The following EPC1 variants were observed in gnomAD, a reference collection of about 807,000 sequenced individuals.
EPC1 encodes the protein enhancer of polycomb 1.
Under a neutral mutation model 98.4 loss-of-function variants are expected in EPC1, and 12 were observed. The ratio of observed to expected loss-of-function variants is 0.12; its 90% CI spans 0.08 to 0.20. The LOEUF (loss-of-function observed/expected upper bound fraction) is 0.20, where lower values mean the gene tolerates loss of function less well. EPC1 is among the 10% of genes least tolerant of loss of function. The pLI, the probability that EPC1 is intolerant of heterozygous loss-of-function variation, is 1.00. For synonymous variants in EPC1, 357 were observed against 363.9 expected (o/e 0.98, Z 0.21); for missense variants, 729 against 990.5 (o/e 0.74, Z 3.54).
chr10:32,319,646 G>A (rs151176262), intron 1 of EPC1, among the ~76,000 whole-genome samples: 6 of 152,168 alleles, frequency 3.9e-5, no homozygotes, highest in East Asian at 1.9e-4. Context: ...AAATGTCTAC[G>A]TCATAAAAGA....
At chr10:32,338,965 A>C (rs1028739663) in intron 1 of EPC1, among the ~76,000 whole-genome samples, 1 of 151,070 alleles carries the variant, frequency 6.6e-6, no homozygotes, top group African/African-American at 2.4e-5. Context: ...AAATAAATAA[A>C]ATAATAAAAA....
At chr10:32,301,569 C>G (rs757037624) in intron 2 of EPC1, among the ~76,000 whole-genome samples, 1 of 152,176 alleles carries the variant, frequency 6.6e-6, no homozygotes, top group Non-Finnish European at 1.5e-5. Context: ...GCGATATTGT[C>G]TTGGGATAAA....
intron 1 of EPC1, among the ~76,000 whole-genome samples, chr10:32,378,279 A>G (rs186693070): frequency 6.6e-6 from 1 of 151,858 alleles, no homozygotes; most frequent in East Asian, 1.9e-4. Flanking sequence ...AGTATAATTT[A>G]TATTATAAAC....
chr10:32,307,319 TGTA>T (rs779969637), intron 1 of EPC1, among the ~76,000 whole-genome samples: 53 of 152,364 alleles, frequency 3.5e-4, no homozygotes, highest in Non-Finnish European at 6.0e-4. Context: ...TGAAGGCATC[TGTA>T]GGACAACTAC....
intron 10 of EPC1, among the ~76,000 whole-genome samples, chr10:32,280,925 A>G (rs1440840677): frequency 6.6e-6 from 1 of 152,236 alleles, no homozygotes; most frequent in East Asian, 1.9e-4. Context: ...TCCAAGAACC[A>G]AAACTTTTTC....
chr10:32,362,386 T>A (rs1839468651), intron 1 of EPC1, among the ~76,000 whole-genome samples: 1 of 152,120 alleles, frequency 6.6e-6, no homozygotes, highest in Non-Finnish European at 1.5e-5. Context: ...CACCATCCTC[T>A]TGGTGTTGTT....
At chr10:32,271,982 T>A in intron 12 of EPC1, 44 bp downstream of exon 12, 7 of 1,597,330 alleles carry the variant, frequency 4.4e-6, no homozygotes, top group Non-Finnish European at 6.0e-6. Flanking sequence ...TATAGATATA[T>A]GTTATAAATA....
rs767705786 is a variant in EPC1 at position 32,271,687 on chromosome 10, T to C, written c.2236A>G (p.Ile746Val). 6.2e-7 allele frequency: 1 copy of C among 1,614,176 alleles called. No homozygotes were observed. Among genetic ancestry groups the C allele is most frequent in the Non-Finnish European group, 8.5e-7 (1 of 1,180,032 alleles). Residue 746 changes from isoleucine (I) to valine (V), a missense_variant, in exon 13 of 14, where the codon ATT becomes GTT. Transcript: ENST00000319778. ...VPSSVATVNS[I>V]APINARHIPR... ...ATATGTCGTGCATTTATTGGGGCAATAGAGTTTACAGTGGCAACTGATGAA... is the reference window on the plus strand; with the variant it reads ...ATATGTCGTGCATTTATTGGGGCAACAGAGTTTACAGTGGCAACTGATGAA...
intron 1 of EPC1, among the ~76,000 whole-genome samples, chr10:32,334,855 A>G (rs1246370329): frequency 6.6e-6 from 1 of 152,150 alleles, no homozygotes; most frequent in African/African-American, 2.4e-5. Flanking sequence ...CACCCCCACA[A>G]ATTTCCAGAA....
At chr10:32,370,410 T>C (rs995997503) in intron 1 of EPC1, among the ~76,000 whole-genome samples, 1 of 149,430 alleles carries the variant, frequency 6.7e-6, no homozygotes, top group Admixed American at 6.6e-5. Flanking sequence ...CCTGTCTCTA[T>C]AACTTAGCAA....
intron 1 of EPC1, among the ~76,000 whole-genome samples, chr10:32,330,435 T>C (rs1008112197): frequency 1.3e-5 from 2 of 152,206 alleles, no homozygotes; most frequent in Non-Finnish European, 2.9e-5. Context: ...TTGTTACAGC[T>C]AGCTTACAGA....
chr10:32,311,186 G>A (rs1336136018), intron 1 of EPC1, among the ~76,000 whole-genome samples: 5 of 152,072 alleles, frequency 3.3e-5, no homozygotes, highest in East Asian at 1.9e-4. Context: ...GGTGGTGGGC[G>A]CCTGTAGTCC....
At chr10:32,362,323 G>A (rs1369675968) in intron 1 of EPC1, among the ~76,000 whole-genome samples, 2 of 151,964 alleles carry the variant, frequency 1.3e-5, no homozygotes, top group South Asian at 2.1e-4. Context: ...TTGGAGGTGG[G>A]GTCCGGTGGG....
upstream of EPC1, among the ~76,000 whole-genome samples, chr10:32,351,616 C>T (rs1839112043): frequency 6.6e-6 from 1 of 151,346 alleles, no homozygotes; most frequent in African/African-American, 2.4e-5. Context: ...CGAGATTGCA[C>T]CATTGCACTC....
intron 2 of EPC1, among the ~76,000 whole-genome samples, chr10:32,297,440 C>G (rs1338853618): frequency 1.3e-5 from 2 of 151,952 alleles, no homozygotes; most frequent in East Asian, 3.9e-4. Flanking sequence ...TGTCTGCCAC[C>G]ACGCCCGGCA....
chr10:32,281,401 C>T (rs773615271), intron 10 of EPC1, among the ~76,000 whole-genome samples: 9 of 152,136 alleles, frequency 5.9e-5, no homozygotes. Flanking sequence ...CATCAGACTA[C>T]ATCAGAGTTT....
chr10:32,297,190 T>TA (rs1055830752), intron 2 of EPC1, among the ~76,000 whole-genome samples: 23 of 150,804 alleles, frequency 1.5e-4, no homozygotes, highest in East Asian at 1.2e-3. Flanking sequence ...GTGTTCAAAG[T>TA]AAAAAAAAGG....
At chr10:32,280,203 C>T (rs1217633779) in intron 10 of EPC1, among the ~76,000 whole-genome samples, 2 of 152,184 alleles carry the variant, frequency 1.3e-5, no homozygotes, top group Admixed American at 6.5e-5. Flanking sequence ...ACTTAGCCTC[C>T]CAGCACTTTG....
intron 1 of EPC1, among the ~76,000 whole-genome samples, chr10:32,325,656 T>C (rs1564548022): frequency 2.0e-5 from 3 of 152,206 alleles, no homozygotes; most frequent in Admixed American, 6.5e-5. Context: ...TAAACCATAC[T>C]AAAAGTTTGT....
Sources: allele counts gnomAD v4.1 joint callset (sites outside exome capture counted in the v4.1 genomes callset), GRCh38; gene constraint gnomAD v4.1.1; transcripts MANE v1.5; gene names NCBI Gene and HGNC (gene_info 2026-07-23, HGNC 2026-07-21).